KIF26B: variants seen among roughly 807,000 people sequenced by gnomAD.
KIF26B encodes kinesin-like protein KIF26B.
In KIF26B, 63 loss-of-function variants were observed where a neutral mutation model predicts 151.2. That is an observed-to-expected ratio of 0.42 (90% confidence interval 0.34 to 0.51). KIF26B has a LOEUF of 0.51. Ranked by LOEUF, KIF26B falls within the 20% of genes least tolerant of loss-of-function variation. The pLI is 0.07. For synonymous variants in KIF26B, 1,357 were observed against 1,262.1 expected (o/e 1.08, Z -1.59); for missense variants, 2,813 against 2,913.6 (o/e 0.97, Z 0.79).
At chr1:245,404,505 A>G (rs547546634) in intron 3 of KIF26B, among the ~76,000 whole-genome samples, 1 of 152,324 alleles carries the variant, frequency 6.6e-6, no homozygotes, top group South Asian at 2.1e-4. Context: ...ACAATAAGCT[A>G]GTTGGTATTG....
chr1:245,530,703 C>T (rs1221434829), intron 4 of KIF26B, among the ~76,000 whole-genome samples: 1 of 152,214 alleles, frequency 6.6e-6, no homozygotes, highest in Non-Finnish European at 1.5e-5. Flanking sequence ...TGCTGTGTGT[C>T]TTCAGGCTTC....
rs1489097656 is a variant in KIF26B at position 245,375,149 on chromosome 1, C to T, written c.999+7782C>T. ...CCACCCAGGCTGGAGTGCAATGGTG[C>T]GAGCTTGGCTCACTGCAACCTCCAC... On this transcript the variant is annotated intron_variant, in intron 3 of 14. Transcript: ENST00000407071. This position sits in a 1 kb window ranked among gnomAD's most constrained non-coding sequence, Gnocchi z 4.2. Among the ~76,000 whole-genome samples, 2 of 152,122 alleles carry T rather than the reference C, an allele frequency of 1.3e-5. No homozygotes were observed. The highest frequency in any genetic ancestry group is 2.9e-5 in the Non-Finnish European group (2 of 68,022).
intron 5 of KIF26B, among the ~76,000 whole-genome samples, chr1:245,551,940 C>T (rs1416792543): frequency 4.6e-5 from 7 of 152,124 alleles, no homozygotes; most frequent in Non-Finnish European, 5.9e-5. Context: ...GACTGATCTG[C>T]GTAATTCCAT....
chr1:245,182,347 C>T (rs1179842399), intron 2 of KIF26B, among the ~76,000 whole-genome samples: 2 of 152,148 alleles, frequency 1.3e-5, no homozygotes. Flanking sequence ...TTGCAGATGG[C>T]TTCTTTGAGT....
chr1:245,210,676 T>C (rs1268722774), intron 2 of KIF26B, among the ~76,000 whole-genome samples: 1 of 152,068 alleles, frequency 6.6e-6, no homozygotes, highest in Non-Finnish European at 1.5e-5. Context: ...GCCATCACCG[T>C]AGGAGGAGAA....
At chr1:245,635,313 A>G (rs1445771000) in intron 9 of KIF26B, among the ~76,000 whole-genome samples, 1 of 151,980 alleles carries the variant, frequency 6.6e-6, no homozygotes, top group Non-Finnish European at 1.5e-5. Context: ...TATTTCTTTA[A>G]TGAATCTAGG....
At position 245,190,603 on chromosome 1, in the gene KIF26B, T is replaced by A. The variant is rs188666788; in HGVS notation, c.465+33920T>A. Reference sequence around the variant, plus strand: ...CCACTTTGGTTTTATACATAGGACATCTTTTCCTATAAGTTTTCCCTGAAT... The same window carrying A: ...CCACTTTGGTTTTATACATAGGACAACTTTTCCTATAAGTTTTCCCTGAAT... On this transcript the variant is annotated intron_variant, in intron 2 of 14. Coordinates refer to ENST00000407071, the MANE Select transcript of KIF26B (RefSeq NM_018012.4). Among the ~76,000 whole-genome samples, 57 of 151,300 alleles carry A rather than the reference T, an allele frequency of 3.8e-4. No individual in the cohort carries two copies. In the East Asian group the frequency reaches 0.01, roughly 27 times the overall value.
chr1:245,235,834 A>G (rs1244349025), intron 2 of KIF26B, among the ~76,000 whole-genome samples: 1 of 152,082 alleles, frequency 6.6e-6, no homozygotes, highest in African/African-American at 2.4e-5. Context: ...CGGGTTTGTC[A>G]TTTGCATAAG....
At position 245,367,979 on chromosome 1, in the gene KIF26B, G is replaced by A. The variant is rs78306837; in HGVS notation, c.999+612G>A. 6.6e-6 allele frequency among the ~76,000 whole-genome samples: 1 copy of A among 152,220 alleles called. No homozygotes were observed. Among genetic ancestry groups the A allele is most frequent in the Non-Finnish European group, 1.5e-5 (1 of 68,038 alleles). ...AGATGCTTTTGAACCAAAGGATATT[G>A]TGAGTCCCAGGAATCACGGTTTTAA... On this transcript the variant is annotated intron_variant, in intron 3 of 14. Coordinates refer to ENST00000407071, the MANE Select transcript of KIF26B (RefSeq NM_018012.4). The surrounding 1 kb of genome is among the most constrained non-coding windows in gnomAD (Gnocchi z 4.2).
intron 9 of KIF26B, among the ~76,000 whole-genome samples, chr1:245,627,941 A>T (rs2043741748): frequency 1.3e-5 from 2 of 152,244 alleles, no homozygotes; most frequent in African/African-American, 4.8e-5. Flanking sequence ...GAAGAAGTCA[A>T]ATCCCTGAAT....
rs992717181 is a variant in KIF26B, at chr1:245,532,346, C to T, written c.1167-8421C>T. ...CTGCAAGCTCTGCCTCCCGGGTTCA[C>T]GCCATTCTCCTGCCTCAGCCTCCCG... On this transcript the variant is annotated intron_variant, in intron 4 of 14. Transcript: ENST00000407071. 2.1e-4 allele frequency among the ~76,000 whole-genome samples: 31 copies of T among 149,550 alleles called. 1 individual carries two copies. Among genetic ancestry groups the T allele is most frequent in the African/African-American group, 7.1e-4 (29 of 40,668 alleles).
intron 2 of KIF26B, among the ~76,000 whole-genome samples, chr1:245,361,933 G>T (rs1415398437): frequency 6.6e-6 from 1 of 151,530 alleles, no homozygotes; most frequent in Non-Finnish European, 1.5e-5. Context: ...TTCCCCACCC[G>T]GAGCCATGGG....
chr1:245,483,710 T>G (rs1331996654), intron 4 of KIF26B, among the ~76,000 whole-genome samples: 1 of 151,734 alleles, frequency 6.6e-6, no homozygotes, highest in African/African-American at 2.4e-5. Flanking sequence ...AGCAGAAGGT[T>G]AAAAGGAGAA....
chr1:245,265,692 G>T (rs933989489), intron 2 of KIF26B, among the ~76,000 whole-genome samples: 1 of 150,722 alleles, frequency 6.6e-6, no homozygotes, highest in Non-Finnish European at 1.5e-5. Context: ...GGCTCAAATC[G>T]TCCTCCCAAG....
intron 2 of KIF26B, among the ~76,000 whole-genome samples, chr1:245,315,954 CA>C (rs745862916): frequency 1.3e-5 from 2 of 152,054 alleles, no homozygotes; most frequent in East Asian, 3.9e-4. Context: ...TATTAAAGTA[CA>C]TATCATTAAT....
At chr1:245,368,972 T>TAA (rs141270822) in intron 3 of KIF26B, among the ~76,000 whole-genome samples, 6 of 151,662 alleles carry the variant, frequency 4.0e-5, no homozygotes, top group African/African-American at 1.5e-4. Context: ...CCGTCTCTAT[T>TAA]AAAAAAAATA....
At chr1:245,219,789 C>T (rs1052308089) in intron 2 of KIF26B, among the ~76,000 whole-genome samples, 6 of 152,140 alleles carry the variant, frequency 3.9e-5, no homozygotes, top group African/African-American at 1.2e-4. Flanking sequence ...GGTGTGTCTT[C>T]CTGAGTTTTC....
At chr1:245,449,423 C>T (rs1000962588) in intron 4 of KIF26B, among the ~76,000 whole-genome samples, 3 of 152,022 alleles carry the variant, frequency 2.0e-5, no homozygotes, top group Admixed American at 2.0e-4. Flanking sequence ...CTGTGAATTG[C>T]ATTTGTTTAT....
chr1:245,340,692 T>C (rs1672317448), intron 2 of KIF26B, among the ~76,000 whole-genome samples: 1 of 152,184 alleles, frequency 6.6e-6, no homozygotes, highest in African/African-American at 2.4e-5. Flanking sequence ...GGGTTTATAT[T>C]CCAATGAAGA....
Sources: allele counts gnomAD v4.1 joint callset (sites outside exome capture counted in the v4.1 genomes callset), GRCh38; gene constraint gnomAD v4.1.1; non-coding constraint Gnocchi (gnomAD v3.1); transcripts MANE v1.5; gene names NCBI Gene and HGNC (gene_info 2026-07-23, HGNC 2026-07-21).